The following COL5A2 variants were observed in gnomAD, a reference collection of about 807,000 sequenced individuals.
The protein encoded by COL5A2 is collagen alpha-2(V) chain.
A neutral mutation model predicts 208.2 loss-of-function variants in COL5A2; 23 were observed. The ratio of observed to expected loss-of-function variants is 0.11; its 90% CI spans 0.08 to 0.16. The LOEUF (loss-of-function observed/expected upper bound fraction) is 0.16, where lower values mean the gene tolerates loss of function less well. COL5A2 is among the 10% of genes least tolerant of loss of function. The pLI is 1.00. For missense variants in COL5A2, 1,590 were observed against 1,956.4 expected, an observed-to-expected ratio of 0.81 and a Z score of 3.53; for synonymous variants, 625 against 628.5, an observed-to-expected ratio of 0.99 and a Z score of 0.08.
the COL5A2 span, among the ~76,000 whole-genome samples, chr2:189,342,420 C>G: frequency 8.6e-6 from 1 of 115,996 alleles, no homozygotes; most frequent in Admixed American, 8.6e-5. Context: ...TATCTGTTCT[C>G]CTTTGGGTTT....
At chr2:189,096,974 A>T (rs1451298065) in intron 6 of COL5A2, among the ~76,000 whole-genome samples, 1 of 152,206 alleles carries the variant, frequency 6.6e-6, no homozygotes, top group East Asian at 1.9e-4. Flanking sequence ...GCAACCACAG[A>T]TCATATAACT....
At chr2:189,282,997 G>A in the COL5A2 span, among the ~76,000 whole-genome samples, 2 of 151,942 alleles carry the variant, frequency 1.3e-5, no homozygotes, top group African/African-American at 2.4e-5. Context: ...CCCCGAGTTA[G>A]GAATATAAGC....
chr2:189,114,976 C>T (rs2105722849), intron 1 of COL5A2, among the ~76,000 whole-genome samples: 1 of 152,072 alleles, frequency 6.6e-6, no homozygotes, highest in South Asian at 2.1e-4. Flanking sequence ...TTTAACTTTC[C>T]TAAAATTGAT....
chr2:189,378,540 C>T, the COL5A2 span, among the ~76,000 whole-genome samples: 2 of 151,862 alleles, frequency 1.3e-5, no homozygotes, highest in Non-Finnish European at 2.9e-5. Flanking sequence ...ATGGCTAACA[C>T]GGTGAAACCC....
chr2:189,404,356 A>C, the COL5A2 span, among the ~76,000 whole-genome samples: 1 of 152,160 alleles, frequency 6.6e-6, no homozygotes, highest in African/African-American at 2.4e-5. Flanking sequence ...TTTTGTCTTG[A>C]GCTTAGACAT....
At chr2:189,160,986 A>G (rs1688352539) in intron 1 of COL5A2, among the ~76,000 whole-genome samples, 1 of 151,498 alleles carries the variant, frequency 6.6e-6, no homozygotes, top group Non-Finnish European at 1.5e-5. Context: ...ATGTGCCACC[A>G]TACTCGGCTA....
the COL5A2 span, among the ~76,000 whole-genome samples, chr2:189,270,746 T>C: frequency 6.6e-6 from 1 of 152,150 alleles, no homozygotes; most frequent in African/African-American, 2.4e-5. Flanking sequence ...CATGATTGTA[T>C]ATTTAGAAAA....
intron 1 of COL5A2, among the ~76,000 whole-genome samples, chr2:189,124,716 T>G (rs1687575141): frequency 6.6e-6 from 1 of 151,842 alleles, no homozygotes; most frequent in African/African-American, 2.4e-5. Flanking sequence ...TTTTAAAAAG[T>G]TCTTAACTGT....
chr2:189,299,875 A>C, the COL5A2 span, among the ~76,000 whole-genome samples: 1 of 152,222 alleles, frequency 6.6e-6, no homozygotes, highest in Non-Finnish European at 1.5e-5. Flanking sequence ...ATCTTAAAAA[A>C]AATAGCAACA....
At chr2:189,414,515 G>T in the COL5A2 span, among the ~76,000 whole-genome samples, 2 of 151,940 alleles carry the variant, frequency 1.3e-5, no homozygotes, top group East Asian at 3.9e-4. Flanking sequence ...TAGCACTTTG[G>T]GAGGCCGAGG....
intron 1 of COL5A2, among the ~76,000 whole-genome samples, chr2:189,153,929 T>A (rs1010609331): frequency 6.6e-6 from 1 of 152,128 alleles, no homozygotes; most frequent in Non-Finnish European, 1.5e-5. Context: ...ATAGACCCCC[T>A]AAGATTCTGC....
At chr2:189,269,697 T>A in the COL5A2 span, among the ~76,000 whole-genome samples, 1 of 152,278 alleles carries the variant, frequency 6.6e-6, no homozygotes, top group South Asian at 2.1e-4. Context: ...CCTGAAATGT[T>A]CTTTTTTTGT....
chr2:189,088,559 AAATG>A (rs5837124), intron 8 of COL5A2, 132 bp downstream of exon 8: 14 of 675,166 alleles, frequency 2.1e-5, no homozygotes, highest in Admixed American at 1.5e-4. Context: ...TAAGTTAATT[AAATG>A]AATGAATGAA....
the COL5A2 span, among the ~76,000 whole-genome samples, chr2:189,368,978 C>T: frequency 6.6e-6 from 1 of 152,196 alleles, no homozygotes; most frequent in Non-Finnish European, 1.5e-5. Flanking sequence ...TACTACAATA[C>T]AGTAAACAGA....
the COL5A2 span, among the ~76,000 whole-genome samples, chr2:189,293,692 A>G: frequency 6.6e-6 from 1 of 152,200 alleles, no homozygotes; most frequent in African/African-American, 2.4e-5. Context: ...GTTGTCCATG[A>G]ACCCATAAGC....
In COL5A2 at chr2:189,085,792, A is replaced by G; in HGVS notation, c.691-20T>C. On this transcript the variant is annotated intron_variant, in intron 9 of 53. Transcript: ENST00000374866. ...ACCACCCTACAGTTGAAAACAAAGT[A>G]TATATACAAACCAAGGAAAAATAGA... The G allele has an allele frequency of 1.9e-6, 3 of 1,597,592 alleles. No individual in the cohort carries two copies. Among genetic ancestry groups the G allele is most frequent in the East Asian group, 4.5e-5 (2 of 44,752 alleles).
intron 1 of COL5A2, among the ~76,000 whole-genome samples, chr2:189,189,159 A>C (rs1228743576): frequency 1.3e-5 from 2 of 152,154 alleles, no homozygotes; most frequent in Non-Finnish European, 2.9e-5. Flanking sequence ...CTAGCCCTCA[A>C]CATGCCAGAA....
At chr2:189,134,982 G>A (rs1298254526) in intron 1 of COL5A2, among the ~76,000 whole-genome samples, 3 of 146,342 alleles carry the variant, frequency 2.0e-5, no homozygotes, top group Non-Finnish European at 4.6e-5. Context: ...GTTTTGAAAA[G>A]TTATCTTGCC....
intron 1 of COL5A2, among the ~76,000 whole-genome samples, chr2:189,193,833 T>C (rs1384332068): frequency 6.6e-6 from 1 of 152,174 alleles, no homozygotes; most frequent in Non-Finnish European, 1.5e-5. Context: ...CCAGATCTTT[T>C]CATATACTTT....
Sources: gnomAD v4.1 joint callset for allele counts (sites outside exome capture counted in the v4.1 genomes callset) on GRCh38, gnomAD v4.1.1 for gene constraint, MANE v1.5 for transcripts, NCBI Gene and HGNC (gene_info 2026-07-23, HGNC 2026-07-21) for gene names.